Variants in CHD7 observed in about 807,000 individuals in gnomAD.
CHD7 encodes the protein chromodomain helicase DNA binding protein 7.
In CHD7, 24 loss-of-function variants were observed where a neutral mutation model predicts 307.3. The observed-to-expected ratio is 0.08, with a 90% CI of 0.06 to 0.11. The LOEUF is 0.11. Among genes scored for constraint, CHD7 ranks in the 10% least tolerant of loss-of-function variants. The pLI is 1.00. For missense variants in CHD7, 3,106 were observed against 3,727.1 expected (o/e 0.83, Z 4.34); for synonymous variants, 1,363 against 1,349.9 (o/e 1.01, Z -0.21).
chr8:60,806,323 A>G (rs1284115696), intron 6 of CHD7, among the ~76,000 whole-genome samples: 3 of 152,146 alleles, frequency 2.0e-5, no homozygotes, highest in Non-Finnish European at 4.4e-5. Flanking sequence ...AGATTGCGCC[A>G]CTGCACTCCA....
intron 23 of CHD7, among the ~76,000 whole-genome samples, chr8:60,845,786 G>A (rs1805185258): frequency 6.6e-6 from 1 of 152,124 alleles, no homozygotes; most frequent in Non-Finnish European, 1.5e-5. Flanking sequence ...CAATTCATTG[G>A]CATTAATTAC....
At chr8:60,846,412 G>T (rs956336265) in intron 23 of CHD7, among the ~76,000 whole-genome samples, 3 of 152,134 alleles carry the variant, frequency 2.0e-5, no homozygotes, top group Non-Finnish European at 4.4e-5. Flanking sequence ...TTATTTCATT[G>T]CTTGGGGTTC....
At chr8:60,778,574 A>C (rs541753488) in intron 2 of CHD7, among the ~76,000 whole-genome samples, 13 of 152,264 alleles carry the variant, frequency 8.5e-5, no homozygotes, top group African/African-American at 3.1e-4. Flanking sequence ...CTGTTACTGG[A>C]GCAAATGCCA....
chr8:60,839,895 G>T (rs961021936), intron 19 of CHD7, among the ~76,000 whole-genome samples: 1 of 152,066 alleles, frequency 6.6e-6, no homozygotes, highest in Non-Finnish European at 1.5e-5. Context: ...TTTTAATGAA[G>T]CCCAGTTTAC....
intron 1 of CHD7, among the ~76,000 whole-genome samples, chr8:60,705,259 C>T (rs1035101956): frequency 6.6e-6 from 1 of 152,090 alleles, no homozygotes; most frequent in African/African-American, 2.4e-5. Flanking sequence ...AGTGAACTTG[C>T]GCGTTTGGCT....
At chr8:60,693,476 A>G (rs1806305322) in intron 1 of CHD7, among the ~76,000 whole-genome samples, 1 of 152,008 alleles carries the variant, frequency 6.6e-6, no homozygotes, top group Admixed American at 6.5e-5. Context: ...CACAGGCAAG[A>G]CCTCTGTTGC....
rs1805945184 is a variant in CHD7 at position 60,861,021 on chromosome 8, G to A, written c.7726G>A (p.Asp2576Asn). The A allele has an allele frequency of 6.2e-7, 1 of 1,613,904 alleles. No homozygotes were observed. Among genetic ancestry groups the A allele is most frequent in the Admixed American group, 1.7e-5 (1 of 60,008 alleles). ...ACGGATCCCTGTTATCAATCTTGAA[G>A]ATGGGACTAGGCTGGTGGGGGAAGA... is the stretch of plus-strand genomic sequence containing the variant. ...DTRIPVINLE[D>N]GTRLVGEDAP... The change falls in exon 35 of 38, where the codon GAT (aspartate) becomes AAT (asparagine). Residue 2576 changes from aspartate (D) to asparagine (N), a missense_variant. Asp to Asn is a conservative substitution (Grantham distance 23, BLOSUM62 1). Transcript: ENST00000423902.
At chr8:60,837,988 C>G (rs1388546970) in intron 18 of CHD7, 88 bp from the exon 19 acceptor site, 2 of 1,283,888 alleles carry the variant, frequency 1.6e-6, no homozygotes, top group South Asian at 1.7e-5. Flanking sequence ...TAGGTTTACT[C>G]TCTTTGAGAA....
At chr8:60,772,960 C>A (rs1351590814) in intron 2 of CHD7, among the ~76,000 whole-genome samples, 1 of 152,208 alleles carries the variant, frequency 6.6e-6, no homozygotes, top group South Asian at 2.1e-4. Context: ...GTCAGAGGCA[C>A]CATGATGTTC....
intron 17 of CHD7, 86 bp from the exon 18 acceptor site, chr8:60,837,582 G>A (rs1477793384): frequency 8.3e-7 from 1 of 1,200,940 alleles, no homozygotes; most frequent in African/African-American, 1.5e-5. Flanking sequence ...CATCACATTG[G>A]AATGAGGGTT....
At chr8:60,679,260 A>C (rs1805438168) in intron 1 of CHD7, among the ~76,000 whole-genome samples, 178 bp downstream of exon 1, 1 of 147,496 alleles carries the variant, frequency 6.8e-6, no homozygotes, top group Admixed American at 6.7e-5. Context: ...GCAGGAGCGC[A>C]GCGCCGCCCG....
intron 2 of CHD7, among the ~76,000 whole-genome samples, chr8:60,763,524 G>A (rs1047314324): frequency 2.6e-5 from 4 of 152,130 alleles, no homozygotes; most frequent in African/African-American, 9.7e-5. Context: ...TACTAGATGA[G>A]TGGTGACCTC....
At position 60,759,224 on chromosome 8, in the gene CHD7, G is replaced by A. The variant is rs1257277653; in HGVS notation, c.1665+16127G>A. Among the ~76,000 whole-genome samples, 3 of 152,124 alleles carry A rather than the reference G, an allele frequency of 2.0e-5. No homozygotes were observed. The South Asian group carries it at 6.2e-4, about 32-fold the overall frequency. The stretch of plus-strand genomic sequence containing the variant: ...AAAAATCTAACTGTGTTTGGGAGTG[G>A]GAAGGTAAAGTGCAGCTGGGGTGCT... On this transcript the variant is annotated intron_variant, in intron 2 of 37. Transcript: ENST00000423902.
intron 5 of CHD7, 123 bp from the exon 6 acceptor site, chr8:60,801,405 A>G (rs1812304486): frequency 4.4e-6 from 3 of 676,194 alleles, no homozygotes; most frequent in Non-Finnish European, 7.7e-6. Flanking sequence ...TTTCTCACTG[A>G]TAACTTTGTA....
At chr8:60,804,499 A>G (rs1266608509) in intron 6 of CHD7, among the ~76,000 whole-genome samples, 1 of 152,162 alleles carries the variant, frequency 6.6e-6, no homozygotes, top group African/African-American at 2.4e-5. Flanking sequence ...AAGAAGGCAA[A>G]ACTCTTAATC....
intron 1 of CHD7, among the ~76,000 whole-genome samples, chr8:60,680,970 C>T (rs955236696): frequency 9.9e-5 from 15 of 151,738 alleles, no homozygotes; most frequent in Non-Finnish European, 1.8e-4. Context: ...TTTTTATTTT[C>T]TAAAAATTTT....
chr8:60,753,799 ATT>A (rs1049152744), intron 2 of CHD7, among the ~76,000 whole-genome samples: 1 of 151,536 alleles, frequency 6.6e-6, no homozygotes, highest in Non-Finnish European at 1.5e-5. Flanking sequence ...TGATTTTTGT[ATT>A]TTTAGTAGAG....
chr8:60,802,448 T>C (rs1812358094), intron 6 of CHD7, among the ~76,000 whole-genome samples: 1 of 152,226 alleles, frequency 6.6e-6, no homozygotes, highest in African/African-American at 2.4e-5. Context: ...CTTCAGTCAT[T>C]ATCAATTCCA....
At chr8:60,739,695 T>C (rs145044653) in intron 1 of CHD7, among the ~76,000 whole-genome samples, 2 of 152,320 alleles carry the variant, frequency 1.3e-5, no homozygotes, top group Non-Finnish European at 2.9e-5. Context: ...ACAGGAATGT[T>C]GTTTACATTT....
Sources: gnomAD v4.1 joint callset for allele counts (sites outside exome capture counted in the v4.1 genomes callset) on GRCh38, gnomAD v4.1.1 for gene constraint, MANE v1.5 for transcripts, NCBI Gene and HGNC (gene_info 2026-07-23, HGNC 2026-07-21) for gene names.